CSNK1A1: variants seen among roughly 807,000 people sequenced by gnomAD.
CSNK1A1 encodes the protein casein kinase I isoform alpha.
Under a neutral mutation model 46.1 loss-of-function variants are expected in CSNK1A1, and 7 were observed. The observed-to-expected ratio is 0.15, with a 90% CI of 0.09 to 0.29. The LOEUF (loss-of-function observed/expected upper bound fraction) is 0.29, where lower values mean the gene tolerates loss of function less well. CSNK1A1 is among the 10% of genes least tolerant of loss of function. The probability of loss-of-function intolerance (pLI) is 1.00; values close to 1 mark genes in which losing one functional copy is unlikely to be tolerated. For synonymous variants in CSNK1A1, 137 were observed against 141.5 expected (o/e 0.97, Z 0.23); for missense variants, 96 against 417.1 (o/e 0.23, Z 6.71).
At chr5:149,527,281 C>G (rs748674125) in intron 2 of CSNK1A1, among the ~76,000 whole-genome samples, 1 of 152,094 alleles carries the variant, frequency 6.6e-6, no homozygotes, top group East Asian at 1.9e-4. Context: ...GCGCCTGCCA[C>G]CACGCCCAGC....
chr5:149,529,114 TA>T (rs923954771), intron 2 of CSNK1A1, among the ~76,000 whole-genome samples: 2 of 152,030 alleles, frequency 1.3e-5, no homozygotes, highest in Non-Finnish European at 2.9e-5. Context: ...TACGAAACAT[TA>T]AAAAAAATCA....
At chr5:149,502,509 CT>C (rs10565880) in intron 9 of CSNK1A1, 2,263 of 43,106 alleles carry the variant, frequency 0.052, 382 homozygotes, top group African/African-American at 0.14. Flanking sequence ...GCGCCTGGCG[CT>C]TTTTTTTTTT....
rs901577727 is a variant in CSNK1A1 at position 149,542,632 on chromosome 5, A to G, written c.230+7443T>C. On this transcript the variant is annotated intron_variant, in intron 2 of 9. Transcript: ENST00000377843. ...TATATATATATATATATATATATAT[A>G]TATATATGTATATATATATATATAT... Among the ~76,000 whole-genome samples the G allele has an allele frequency of 6.7e-3, 69 of 10,290 alleles. 1 individual carries two copies. Among genetic ancestry groups the G allele is most frequent in the African/African-American group, 0.031 (45 of 1,466 alleles). 6.8% of individuals were successfully genotyped at this position (10,290 alleles called of 152,430 possible).
Position 149,523,534 on chromosome 5 carries a change from G to C in CSNK1A1, c.357+1511C>G, listed in dbSNP as rs1447270874. Among the ~76,000 whole-genome samples the C allele has an allele frequency of 5.3e-5, 8 of 152,214 alleles. No homozygotes were observed. In the South Asian group the frequency reaches 1.0e-3, roughly 20 times the overall value. On this transcript the variant is annotated intron_variant, in intron 3 of 9. Transcript: ENST00000377843. ...CGCCACTTTTAACCTTTTAATGCTT[G>C]AGTTTGTTTTGTGCCACAAATATCA...
chr5:149,533,238 C>A (rs1473348200), intron 2 of CSNK1A1, among the ~76,000 whole-genome samples: 2 of 152,120 alleles, frequency 1.3e-5, no homozygotes, highest in South Asian at 2.1e-4. Flanking sequence ...GAGTAGCTAA[C>A]AAGACAAAAC....
At chr5:149,534,364 C>G (rs1393763611) in intron 2 of CSNK1A1, among the ~76,000 whole-genome samples, 1 of 151,648 alleles carries the variant, frequency 6.6e-6, no homozygotes, top group Non-Finnish European at 1.5e-5. Context: ...CGCCTGTAGT[C>G]CCAGCTACTC....
At chr5:149,510,442 A>G (rs1008949805) in intron 6 of CSNK1A1, among the ~76,000 whole-genome samples, 1 of 149,816 alleles carries the variant, frequency 6.7e-6, no homozygotes, top group Non-Finnish European at 1.5e-5. Flanking sequence ...GCTGAAAAGC[A>G]TTTTCTTTCC....
At chr5:149,520,183 A>G (rs1761526107) in intron 4 of CSNK1A1, 107 bp downstream of exon 4, 2 of 663,046 alleles carry the variant, frequency 3.0e-6, no homozygotes, top group East Asian at 2.6e-5. Flanking sequence ...AACTGTCAAC[A>G]GCAAATTCAA....
chr5:149,506,943 G>A, intron 8 of CSNK1A1, 84 bp downstream of exon 8: 3 of 1,003,744 alleles, frequency 3.0e-6, no homozygotes, highest in Non-Finnish European at 4.5e-6. Context: ...CTTTACTTTA[G>A]TATTTATCAG....
In CSNK1A1 at chr5:149,496,788, G is replaced by C; in HGVS notation, c.*65C>G. On this transcript the variant is annotated 3_prime_UTR_variant, in exon 10 of 10. Transcript: ENST00000377843. ...GTGTACATATGAACTAAAATTTCTA[G>C]ATTTGGGGAGAAACAAATGCTGCTC... 1 of 1,540,264 alleles carries C rather than the reference G, an allele frequency of 6.5e-7. No homozygotes were observed. Among genetic ancestry groups the C allele is most frequent in the Non-Finnish European group, 8.7e-7 (1 of 1,145,340 alleles).
chr5:149,520,617 T>C (rs1015737595), intron 3 of CSNK1A1, among the ~76,000 whole-genome samples: 1 of 152,216 alleles, frequency 6.6e-6, no homozygotes, highest in African/African-American at 2.4e-5. Context: ...ATTAAAACCA[T>C]GGCAGGGTCT....
Position 149,493,060 on chromosome 5 carries a change from T to C in CSNK1A1, c.*3793A>G, listed in dbSNP as rs1453116862. 1 of 152,238 alleles carries C rather than the reference T, an allele frequency of 6.6e-6. No homozygotes were observed. The highest frequency in any genetic ancestry group is 1.9e-4 in the East Asian group (1 of 5,182). The allele number at this position is 152,238 out of a possible 1,614,324, so 9.4% of individuals were successfully genotyped here. A position where few individuals can be genotyped will look rare whatever the true frequency, so the allele number is the denominator to read the frequency against. ...CCTTCAAGTGGCTCCTGTGCCCTTT[T>C]GACATGTATCCACCTTTTTGTTGTT... On this transcript the variant is annotated 3_prime_UTR_variant, in exon 10 of 10. Coordinates refer to ENST00000377843, the MANE Select transcript of CSNK1A1 (RefSeq NM_001892.6).
At chr5:149,528,997 T>C (rs1358123034) in intron 2 of CSNK1A1, among the ~76,000 whole-genome samples, 4 of 152,164 alleles carry the variant, frequency 2.6e-5, no homozygotes, top group African/African-American at 9.7e-5. Context: ...CAAGACGTGT[T>C]GCTACTAAGT....
intron 3 of CSNK1A1, 127 bp from the exon 4 acceptor site, chr5:149,520,515 A>C: frequency 1.7e-6 from 1 of 589,130 alleles, no homozygotes; most frequent in Non-Finnish European, 3.0e-6. Context: ...ATGAAATGGA[A>C]AGGACAACTA....
At chr5:149,544,836 G>A (rs1472241176) in intron 2 of CSNK1A1, among the ~76,000 whole-genome samples, 1 of 148,358 alleles carries the variant, frequency 6.7e-6, no homozygotes. Context: ...AGCTTTTGGG[G>A]AGTCAAGTTA....
chr5:149,534,242 G>A (rs1398005846), intron 2 of CSNK1A1, among the ~76,000 whole-genome samples: 1 of 151,996 alleles, frequency 6.6e-6, no homozygotes, highest in African/African-American at 2.4e-5. Flanking sequence ...AGCACCTTGG[G>A]AGGCCAAGGC....
chr5:149,513,250 G>A, intron 4 of CSNK1A1, 41 bp from the exon 5 acceptor site: 2 of 1,570,680 alleles, frequency 1.3e-6, no homozygotes, highest in South Asian at 1.1e-5. Context: ...TTCCAACCTT[G>A]TTCAATTAAA....
At chr5:149,534,789 G>A (rs1459081035) in intron 2 of CSNK1A1, among the ~76,000 whole-genome samples, 6 of 151,740 alleles carry the variant, frequency 4.0e-5, no homozygotes, top group Non-Finnish European at 8.8e-5. Flanking sequence ...AAATTAGCCA[G>A]GCGTGGTGGC....
chr5:149,517,749 C>G lies in CSNK1A1; in HGVS notation c.456+2541G>C. 8.5e-7 allele frequency: 1 copy of G among 1,173,296 alleles called. No individual in the cohort carries two copies. Among genetic ancestry groups the G allele is most frequent in the Non-Finnish European group, 1.2e-6 (1 of 805,330 alleles). The allele number at this position is 1,173,296 out of a possible 1,614,324, so 72.7% of individuals were successfully genotyped here. On this transcript the variant is annotated intron_variant, in intron 4 of 9. Coordinates refer to ENST00000377843, the MANE Select transcript of CSNK1A1 (RefSeq NM_001892.6). This position sits in a 1 kb window ranked among gnomAD's most constrained non-coding sequence, Gnocchi z 4.4. ...AAAATAAAACAATAAAAAAGAAAAGCACATGAATTTGGGATTGAGGTTGGA... is the reference window on the plus strand; with the variant it reads ...AAAATAAAACAATAAAAAAGAAAAGGACATGAATTTGGGATTGAGGTTGGA...
Sources: gnomAD v4.1 joint callset for allele counts (sites outside exome capture counted in the v4.1 genomes callset) on GRCh38, gnomAD v4.1.1 for gene constraint, Gnocchi (gnomAD v3.1) non-coding constraint, MANE v1.5 for transcripts, NCBI Gene and HGNC (gene_info 2026-07-23, HGNC 2026-07-21) for gene names.